The following FTCD variants were observed in gnomAD, a reference collection of about 807,000 sequenced individuals.
The protein encoded by FTCD is formimidoyltransferase cyclodeaminase, also known as formimidoyltransferase-cyclodeaminase.
FTCD carries 76 observed loss-of-function variants against 62.9 expected under a neutral mutation model. That is an observed-to-expected ratio of 1.21 (90% CI 1.00 to 1.46). FTCD has a LOEUF of 1.46. Ranked by LOEUF, FTCD falls within the 40% of genes most tolerant of loss-of-function variation. The pLI is 0.00. For missense variants in FTCD, 845 were observed against 751.3 expected, an observed-to-expected ratio of 1.12 and a Z score of -1.46; for synonymous variants, 397 against 336.9, an observed-to-expected ratio of 1.18 and a Z score of -1.95.
downstream of FTCD, chr21:46,136,472 A>T: frequency 6.2e-7 from 1 of 1,612,642 alleles, no homozygotes; most frequent in Non-Finnish European, 8.5e-7. Context: ...CCAGCGTCGA[A>T]GGTCCTGCTG....
At position 46,138,920 on chromosome 21, in the gene FTCD, C is replaced by T. The variant is rs745450881; in HGVS notation, c.1264G>A (p.Ala422Thr). 1.7e-5 allele frequency: 27 copies of T among 1,612,448 alleles called. No homozygotes were observed. In the Admixed American group the frequency reaches 4.3e-4, roughly 26 times the overall value. ...DAEAFTAYLE[A>T]MRLPKNTPEE... The stretch of plus-strand genomic sequence containing the variant: ...GGTGTGTTCTTGGGGAGCCTCATTG[C>T]TTCCTGCCATAAAGAGACAGAACCA... Residue 422 changes from alanine (A) to threonine (T), a missense_variant, in exon 11 of 14, where the codon GCA becomes ACA. Transcript: ENST00000397746.
At chr21:46,139,453 G>C (rs898446626) in intron 10 of FTCD, among the ~76,000 whole-genome samples, 1 of 152,148 alleles carries the variant, frequency 6.6e-6, no homozygotes, top group African/African-American at 2.4e-5. Context: ...GACCCACCCC[G>C]TGTGGAAGAG....
At position 46,138,929 on chromosome 21, in the gene FTCD, A is replaced by G; in HGVS notation, c.1261-6T>C. The G allele has an allele frequency of 6.2e-7, 1 of 1,611,594 alleles. No homozygotes were observed. The highest frequency in any genetic ancestry group is 1.3e-5 in the African/African-American group (1 of 74,994). The stretch of plus-strand genomic sequence containing the variant: ...TTGGGGAGCCTCATTGCTTCCTGCC[A>G]TAAAGAGACAGAACCACTGGGCGAG... On this transcript the variant is annotated splice_region_variant and splice_polypyrimidine_tract_variant and intron_variant, in intron 10 of 13. Transcript: ENST00000397746.
chr21:46,151,793 CG>C, intron 4 of FTCD, 56 bp from the exon 5 acceptor site: 1 of 1,599,582 alleles, frequency 6.3e-7, no homozygotes, highest in Non-Finnish European at 8.5e-7. Flanking sequence ...AACAGCCCCC[CG>C]GGGTCCCGGG....
Position 46,150,369 on chromosome 21 carries a change from C to T in FTCD, c.774+19G>A, listed in dbSNP as rs369593831. On this transcript the variant is annotated intron_variant, in intron 6 of 13. Coordinates refer to ENST00000397746, the MANE Select transcript of FTCD (RefSeq NM_206965.2). ...ATCGGCTCGCCCCTCACAGCAGCAG[C>T]GGCTGCTCCCGGGCTCACCTGTGCT... 226 of 1,612,126 alleles carry T rather than the reference C, an allele frequency of 1.4e-4. No individual in the cohort carries two copies. Among genetic ancestry groups the T allele is most frequent in the Admixed American group, 4.8e-4 (29 of 59,968 alleles).
At chr21:46,146,534 G>A (rs974474066) in intron 7 of FTCD, 23 of 599,430 alleles carry the variant, frequency 3.8e-5, no homozygotes, top group African/African-American at 3.4e-4. Flanking sequence ...CAGGCACCCC[G>A]TACAGGCTTC....
intron 7 of FTCD, among the ~76,000 whole-genome samples, chr21:46,147,766 G>A (rs375370715): frequency 6.6e-5 from 10 of 151,256 alleles, no homozygotes; most frequent in African/African-American, 1.2e-4. Flanking sequence ...GTGAAACCCC[G>A]TCTCTACTAA....
intron 10 of FTCD, among the ~76,000 whole-genome samples, chr21:46,141,543 G>A (rs1047298037): frequency 2.6e-5 from 4 of 152,100 alleles, no homozygotes; most frequent in Non-Finnish European, 4.4e-5. Context: ...AGATCATCTT[G>A]TTCTGGGGAG....
Position 46,137,133 on chromosome 21 carries a change from C to T in FTCD, c.1540-60G>A, listed in dbSNP as rs1156604333. 4.0e-5 allele frequency: 65 copies of T among 1,606,152 alleles called. No individual in the cohort carries two copies. The East Asian group carries it at 1.3e-3, about 31-fold the overall frequency. On this transcript the variant is annotated intron_variant, in intron 13 of 13. Coordinates refer to ENST00000397746, the MANE Select transcript of FTCD (RefSeq NM_206965.2). ...CCAGTCTTCAGCCCAGCTTGCTGGG[C>T]AGCAACCTCCGACCCCCACTGCCCA... is the stretch of plus-strand genomic sequence containing the variant.
At chr21:46,150,925 G>T (rs191322556) in intron 5 of FTCD, among the ~76,000 whole-genome samples, 2 of 152,194 alleles carry the variant, frequency 1.3e-5, no homozygotes, top group Admixed American at 1.3e-4. Flanking sequence ...CTGAGTCCAC[G>T]TGGGGGGACT....
chr21:46,151,790 C>T (rs1424049660), intron 4 of FTCD, 53 bp from the exon 5 acceptor site: 4 of 1,600,158 alleles, frequency 2.5e-6, no homozygotes, highest in East Asian at 4.5e-5. Flanking sequence ...GGGAACAGCC[C>T]CCCGGGGTCC....
chr21:46,148,006 A>T (rs2079189067), intron 7 of FTCD, among the ~76,000 whole-genome samples: 1 of 152,042 alleles, frequency 6.6e-6, no homozygotes, highest in Non-Finnish European at 1.5e-5. Context: ...GGCCTCACAC[A>T]TAAGAAGACA....
rs777451982 is a variant in FTCD, at chr21:46,150,423, G to C, written c.739C>G (p.His247Asp). ...NLLDFEVTAL[H>D]TVYEETCREA... The stretch of plus-strand genomic sequence containing the variant: ...CGGCAGGTCTCCTCGTAGACCGTGT[G>C]CAGTGCCGTGACCTCAAAGTCCAGA... Residue 247 changes from histidine (H) to aspartate (D), a missense_variant, in exon 6 of 14, where the codon CAC (histidine) becomes GAC (aspartate). Physicochemically the swap from His to Asp is moderately conservative, Grantham distance 81. Transcript: ENST00000397746. 6.2e-7 allele frequency: 1 copy of C among 1,613,086 alleles called. No homozygotes were observed. Among genetic ancestry groups the C allele is most frequent in the South Asian group, 1.1e-5 (1 of 91,088 alleles).
At chr21:46,152,073 A>G (rs1723060104) in intron 3 of FTCD, 93 bp from the exon 4 acceptor site, 1 of 868,392 alleles carries the variant, frequency 1.2e-6, no homozygotes, top group South Asian at 1.5e-5. Context: ...CTCCAGCCTA[A>G]CCCAGGAATG....
chr21:46,139,029 AC>A (rs1242538973), intron 10 of FTCD, 106 bp from the exon 11 acceptor site: 4 of 879,828 alleles, frequency 4.5e-6, no homozygotes, highest in Non-Finnish European at 7.7e-6. Context: ...CCAGGCAGGG[AC>A]CAGTTCTCTG....
rs148597847 is a variant in FTCD at position 46,152,319 on chromosome 21, A to G, written c.368-339T>C. The G allele has an allele frequency of 2.4e-3, 667 of 272,292 alleles. 2 individuals are homozygous for G. The highest frequency in any genetic ancestry group is 0.016 in the Middle Eastern group (14 of 890). The allele number at this position is 272,292 out of a possible 1,614,324, so 16.9% of individuals were successfully genotyped here. A position where few individuals can be genotyped will look rare whatever the true frequency, so the allele number is the denominator to read the frequency against. On this transcript the variant is annotated intron_variant, in intron 3 of 13. Coordinates refer to ENST00000397746, the MANE Select transcript of FTCD (RefSeq NM_206965.2). ...AACCGCAAGCAACCACATAAATATA[A>G]CGGCAGAGAAGAGGAAAAACTCGTG...
At chr21:46,140,392 T>C (rs1227166799) in intron 10 of FTCD, among the ~76,000 whole-genome samples, 20 of 123,718 alleles carry the variant, frequency 1.6e-4, no homozygotes, top group African/African-American at 4.8e-4. Flanking sequence ...TCACAGGGAG[T>C]GTAAACCAAT....
intron 8 of FTCD, 116 bp from the exon 9 acceptor site, chr21:46,146,063 G>A: frequency 2.7e-6 from 2 of 735,864 alleles, no homozygotes; most frequent in South Asian, 1.8e-5. Context: ...TGACCACTCG[G>A]CTGAGAACCT....
intron 7 of FTCD, among the ~76,000 whole-genome samples, chr21:46,147,122 C>G (rs2079165586): frequency 1.3e-5 from 2 of 152,368 alleles, no homozygotes; most frequent in South Asian, 4.1e-4. Context: ...GCAACTGCCC[C>G]TCTCTGGCAG....
Sources: allele counts gnomAD v4.1 joint callset (sites outside exome capture counted in the v4.1 genomes callset), GRCh38; gene constraint gnomAD v4.1.1; transcripts MANE v1.5; gene names NCBI Gene and HGNC (gene_info 2026-07-23, HGNC 2026-07-21).